Variants in C10orf90 observed in about 807,000 individuals in gnomAD.
C10orf90 encodes (E2-independent) E3 ubiquitin-conjugating enzyme FATS.
In C10orf90, 56 loss-of-function variants were observed where a neutral mutation model predicts 62.5. That is an observed-to-expected ratio of 0.90 (90% confidence interval 0.72 to 1.12). The LOEUF (loss-of-function observed/expected upper bound fraction) is 1.12. Among genes scored for constraint, C10orf90 ranks in the 50% most tolerant of loss-of-function variants. C10orf90 has a pLI of 0.00. For missense variants in C10orf90, 970 were observed against 880.4 expected (o/e 1.10, Z -1.29); for synonymous variants, 386 against 340.4 (o/e 1.13, Z -1.47).
intron 2 of C10orf90, among the ~76,000 whole-genome samples, chr10:126,522,556 G>A (rs1004756943): frequency 2.6e-5 from 4 of 152,154 alleles, no homozygotes; most frequent in South Asian, 2.1e-4. Flanking sequence ...CAGTGTCTCC[G>A]TCATGTCATA....
chr10:126,543,588 C>T (rs1864423914), intron 2 of C10orf90, among the ~76,000 whole-genome samples: 1 of 152,168 alleles, frequency 6.6e-6, no homozygotes, highest in African/African-American at 2.4e-5. Flanking sequence ...ATGGAAGCTG[C>T]AGGTGACCCC....
At chr10:126,660,730 G>C (rs552098704) in intron 1 of C10orf90, among the ~76,000 whole-genome samples, 1 of 152,294 alleles carries the variant, frequency 6.6e-6, no homozygotes, top group African/African-American at 2.4e-5. Context: ...AATTTGTTAG[G>C]CAGCAATAAA....
chr10:126,624,913 C>A (rs1009492180), intron 2 of C10orf90, among the ~76,000 whole-genome samples: 14 of 152,204 alleles, frequency 9.2e-5, no homozygotes, highest in African/African-American at 3.1e-4. Context: ...ATGAACCCAG[C>A]AGCCAAAGAT....
intron 2 of C10orf90, among the ~76,000 whole-genome samples, chr10:126,618,624 G>A (rs1564894742): frequency 6.6e-6 from 1 of 151,958 alleles, no homozygotes; most frequent in Non-Finnish European, 1.5e-5. Flanking sequence ...TAAGTCAAAT[G>A]ACCTCAGTTC....
chr10:126,548,903 A>G (rs1591088422), intron 2 of C10orf90, among the ~76,000 whole-genome samples: 2 of 152,220 alleles, frequency 1.3e-5, no homozygotes, highest in Admixed American at 1.3e-4. Flanking sequence ...ACAAAGGTGC[A>G]AAAGCAATTC....
chr10:126,533,742 G>A (rs1864163939), intron 2 of C10orf90, among the ~76,000 whole-genome samples: 1 of 152,214 alleles, frequency 6.6e-6, no homozygotes, highest in Non-Finnish European at 1.5e-5. Context: ...TGTCCTGCCT[G>A]CGAAATGAGA....
chr10:126,466,371 AACACACAC>A (rs10573171), intron 4 of C10orf90, among the ~76,000 whole-genome samples: 1 of 150,014 alleles, frequency 6.7e-6, no homozygotes, highest in African/African-American at 2.4e-5. Flanking sequence ...CACACACACA[AACACACAC>A]ACACACACAC....
intron 2 of C10orf90, among the ~76,000 whole-genome samples, chr10:126,588,652 C>A (rs1349587951): frequency 6.6e-6 from 1 of 151,280 alleles, no homozygotes; most frequent in Non-Finnish European, 1.5e-5. Context: ...AAACAGAAAG[C>A]AACAACAACA....
chr10:126,602,218 T>G (rs537590889), intron 2 of C10orf90, among the ~76,000 whole-genome samples: 2 of 152,292 alleles, frequency 1.3e-5, no homozygotes, highest in African/African-American at 4.8e-5. Context: ...CCTAATCACC[T>G]CTTCCTAAGC....
chr10:126,583,680 C>T (rs1485851986), intron 2 of C10orf90, among the ~76,000 whole-genome samples: 1 of 152,206 alleles, frequency 6.6e-6, no homozygotes, highest in Non-Finnish European at 1.5e-5. Context: ...CTTGCCACAG[C>T]TGTCCGGAGT....
At chr10:126,495,948 G>A (rs773017141) in intron 4 of C10orf90, among the ~76,000 whole-genome samples, 12 of 152,132 alleles carry the variant, frequency 7.9e-5, no homozygotes, top group Non-Finnish European at 1.2e-4. Context: ...CACTCTTTAC[G>A]TAAATTACCT....
intron 2 of C10orf90, among the ~76,000 whole-genome samples, chr10:126,528,847 G>T (rs1348579426): frequency 6.6e-6 from 1 of 152,214 alleles, no homozygotes; most frequent in East Asian, 1.9e-4. Flanking sequence ...AGCGGGAGAG[G>T]ATAAGTCAAA....
chr10:126,616,081 C>T (rs1190029110), intron 2 of C10orf90, among the ~76,000 whole-genome samples: 1 of 152,192 alleles, frequency 6.6e-6, no homozygotes, highest in Non-Finnish European at 1.5e-5. Flanking sequence ...GGACCATTGA[C>T]CAGAGATACA....
At chr10:126,440,772 T>G (rs1858257399) in intron 7 of C10orf90, among the ~76,000 whole-genome samples, 1 of 152,124 alleles carries the variant, frequency 6.6e-6, no homozygotes, top group African/African-American at 2.4e-5. Context: ...GCTGGGTGGC[T>G]GGACCCAGAA....
At chr10:126,492,237 T>TCTCCA (rs1861805927) in intron 4 of C10orf90, among the ~76,000 whole-genome samples, 1 of 152,150 alleles carries the variant, frequency 6.6e-6, no homozygotes, top group Non-Finnish European at 1.5e-5. Context: ...CATTTTTGGT[T>TCTCCA]GTGTGCTAGG....
chr10:126,525,864 G>A (rs1863926178), intron 2 of C10orf90, among the ~76,000 whole-genome samples: 1 of 152,056 alleles, frequency 6.6e-6, no homozygotes, highest in South Asian at 2.1e-4. Context: ...TGCTGTTGTT[G>A]TTGTTTAATG....
chr10:126,634,490 T>A (rs185072094), intron 2 of C10orf90, among the ~76,000 whole-genome samples: 25 of 152,228 alleles, frequency 1.6e-4, no homozygotes. Context: ...TAATAATCAA[T>A]GAGCATAAAG....
intron 2 of C10orf90, among the ~76,000 whole-genome samples, chr10:126,597,856 T>C (rs917835608): frequency 1.3e-5 from 2 of 152,198 alleles, no homozygotes; most frequent in African/African-American, 4.8e-5. Context: ...TCTATGTGTG[T>C]CATCTGAGCC....
At chr10:126,647,456 G>A (rs1021250141) in intron 1 of C10orf90, among the ~76,000 whole-genome samples, 11 of 152,154 alleles carry the variant, frequency 7.2e-5, no homozygotes, top group Admixed American at 4.6e-4. Context: ...TCCCATTATC[G>A]GCCCCTTCTC....
Sources: allele counts gnomAD v4.1 joint callset (sites outside exome capture counted in the v4.1 genomes callset), GRCh38; gene constraint gnomAD v4.1.1; transcripts MANE v1.5; gene names NCBI Gene and HGNC (gene_info 2026-07-23, HGNC 2026-07-21).